SNX29: variants seen among roughly 807,000 people sequenced by gnomAD.
The protein encoded by SNX29 is sorting nexin 29, also known as sorting nexin-29.
SNX29 carries 78 observed loss-of-function variants against 102.1 expected under a neutral mutation model. That is an observed-to-expected ratio of 0.76 (90% CI 0.64 to 0.92). The LOEUF (loss-of-function observed/expected upper bound fraction) is 0.92. SNX29 is among the 40% of genes least tolerant of loss of function. The pLI is 0.00. For synonymous variants in SNX29, 580 were observed against 414.5 expected (o/e 1.40, Z -4.85); for missense variants, 1,280 against 1,061.7 (o/e 1.21, Z -2.86).
intron 20 of SNX29, among the ~76,000 whole-genome samples, chr16:12,564,174 G>C (rs1052721296): frequency 6.6e-6 from 1 of 152,090 alleles, no homozygotes; most frequent in Non-Finnish European, 1.5e-5. Context: ...GATTGCTTGA[G>C]TTCAGGAGTT....
intron 15 of SNX29, among the ~76,000 whole-genome samples, chr16:12,353,598 C>T (rs2082052697): frequency 6.6e-6 from 1 of 152,210 alleles, no homozygotes; most frequent in African/African-American, 2.4e-5. Flanking sequence ...TCCGCCTCCT[C>T]CCTGCCAGCC....
chr16:12,198,258 C>G (rs1269455933), intron 13 of SNX29, among the ~76,000 whole-genome samples: 2 of 152,130 alleles, frequency 1.3e-5, no homozygotes, highest in Non-Finnish European at 2.9e-5. Flanking sequence ...AAAAAGCCTT[C>G]AGACATTCAC....
chr16:12,205,930 T>C (rs765169531), intron 14 of SNX29, among the ~76,000 whole-genome samples: 30 of 152,188 alleles, frequency 2.0e-4, no homozygotes, highest in Non-Finnish European at 3.8e-4. Flanking sequence ...ATAAATAAAA[T>C]AGGAGCTGTT....
intron 20 of SNX29, among the ~76,000 whole-genome samples, chr16:12,568,231 G>A (rs1212564118): frequency 6.6e-6 from 1 of 150,670 alleles, no homozygotes; most frequent in African/African-American, 2.4e-5. Flanking sequence ...GCCTTAAAAT[G>A]TAGACCGGAA....
intron 16 of SNX29, among the ~76,000 whole-genome samples, chr16:12,395,237 G>A (rs1597221589): frequency 6.6e-6 from 1 of 152,328 alleles, no homozygotes; most frequent in Non-Finnish European, 1.5e-5. Context: ...GGGTGGGCCT[G>A]TGTCAGAGTT....
intron 20 of SNX29, among the ~76,000 whole-genome samples, chr16:12,548,989 C>T (rs368293844): frequency 7.9e-4 from 121 of 152,320 alleles, no homozygotes; most frequent in African/African-American, 2.2e-3. Flanking sequence ...CCTGCTCTCC[C>T]GTGCTTTGGG....
chr16:12,520,074 T>G (rs1366230394), intron 19 of SNX29, among the ~76,000 whole-genome samples: 2 of 152,170 alleles, frequency 1.3e-5, no homozygotes. Flanking sequence ...TAGCCTTCCA[T>G]GAATTATTCT....
At chr16:12,104,834 A>G (rs370364105) in intron 11 of SNX29, among the ~76,000 whole-genome samples, 1 of 152,232 alleles carries the variant, frequency 6.6e-6, no homozygotes, top group South Asian at 2.1e-4. Flanking sequence ...TGTATGCAGA[A>G]CTTTCTTTGC....
chr16:12,291,724 A>T (rs1427719942), intron 15 of SNX29, among the ~76,000 whole-genome samples: 1 of 152,200 alleles, frequency 6.6e-6, no homozygotes, highest in East Asian at 1.9e-4. Context: ...TTGTGCTAAG[A>T]CAGGGAAGAG....
At chr16:12,219,206 G>T (rs933654758) in intron 14 of SNX29, among the ~76,000 whole-genome samples, 1 of 151,912 alleles carries the variant, frequency 6.6e-6, no homozygotes, top group Non-Finnish European at 1.5e-5. Context: ...TCCATCATTT[G>T]GTTTGCAAAC....
intron 11 of SNX29, among the ~76,000 whole-genome samples, chr16:12,126,315 C>G (rs1217686856): frequency 1.3e-5 from 2 of 152,208 alleles, no homozygotes; most frequent in African/African-American, 2.4e-5. Context: ...TTACTGAATT[C>G]TTACAACACT....
At chr16:12,091,043 GAAAA>G (rs1439789857) in intron 11 of SNX29, among the ~76,000 whole-genome samples, 14 of 77,656 alleles carry the variant, frequency 1.8e-4, no homozygotes, top group African/African-American at 5.6e-4. Flanking sequence ...AAAAAAGAAA[GAAAA>G]AGAAAAAAGA....
intron 18 of SNX29, among the ~76,000 whole-genome samples, chr16:12,413,407 C>T (rs1034240391): frequency 1.1e-4 from 16 of 151,496 alleles, no homozygotes; most frequent in African/African-American, 3.2e-4. Context: ...GATATGGGAG[C>T]GAATAACAGG....
intron 3 of SNX29, among the ~76,000 whole-genome samples, chr16:12,010,131 C>T (rs1164088421): frequency 2.0e-5 from 3 of 152,200 alleles, no homozygotes; most frequent in African/African-American, 7.2e-5. Flanking sequence ...TGTTATGAGT[C>T]AGTTCATGTG....
At chr16:12,546,596 A>G (rs2077620798) in intron 20 of SNX29, 1 of 152,230 alleles carries the variant, frequency 6.6e-6, no homozygotes, top group African/African-American at 2.4e-5. Flanking sequence ...CCCAAGGATA[A>G]TACAGGTGGA....
intron 13 of SNX29, among the ~76,000 whole-genome samples, chr16:12,182,462 C>G (rs1007473180): frequency 3.3e-5 from 5 of 152,120 alleles, no homozygotes; most frequent in South Asian, 2.1e-4. Context: ...TGGCTGCTAA[C>G]GCTTGCTCAT....
chr16:12,086,972 T>C (rs1209394441), intron 11 of SNX29: 1 of 152,098 alleles, frequency 6.6e-6, no homozygotes, highest in Non-Finnish European at 1.5e-5. Context: ...TGTCTCTGCC[T>C]TTGGCTGCGA....
chr16:12,172,431 G>A (rs1354329897), intron 13 of SNX29, among the ~76,000 whole-genome samples: 1 of 152,150 alleles, frequency 6.6e-6, no homozygotes, highest in Admixed American at 6.5e-5. Flanking sequence ...AGAAGAGGAT[G>A]CTGGATGGAG....
chr16:12,011,134 CAG>C (rs2056637619), intron 3 of SNX29, among the ~76,000 whole-genome samples: 1 of 150,122 alleles, frequency 6.7e-6, no homozygotes, highest in East Asian at 2.0e-4. Context: ...CTGTAGTAGA[CAG>C]TCCATATTGC....
Sources: allele counts gnomAD v4.1 joint callset (sites outside exome capture counted in the v4.1 genomes callset), GRCh38; gene constraint gnomAD v4.1.1; transcripts MANE v1.5; gene names NCBI Gene and HGNC (gene_info 2026-07-23, HGNC 2026-07-21).